XIRP2: variants seen among roughly 807,000 people sequenced by gnomAD.
The protein encoded by XIRP2 is xin actin-binding repeat-containing protein 2.
Under a neutral mutation model 277.0 loss-of-function variants are expected in XIRP2, and 236 were observed. That is an observed-to-expected ratio of 0.85 (90% CI 0.77 to 0.95). The LOEUF (loss-of-function observed/expected upper bound fraction) is 0.95. XIRP2 is among the 40% of genes least tolerant of loss of function. XIRP2 has a pLI of 0.00. For synonymous variants in XIRP2, 1,490 were observed against 1,416.5 expected (o/e 1.05, Z -1.17); for missense variants, 4,640 against 4,157.5 (o/e 1.12, Z -3.19).
In XIRP2 at chr2:167,251,048, C is replaced by G. The variant is rs1395851248; in HGVS notation, c.9656C>G (p.Ala3219Gly). ...EKRSEIIMSP[A>G]TLRRQIKIET... The stretch of plus-strand genomic sequence containing the variant: ...AGGTCTGAAATCATCATGTCTCCTG[C>G]AACACTTCGTCGTCAAATTAAGATA... Residue 3219 changes from alanine (A) to glycine (G), a missense_variant, in exon 9 of 11, where the codon GCA (alanine) becomes GGA (glycine). Coordinates refer to ENST00000409195, the MANE Select transcript of XIRP2 (RefSeq NM_152381.6). The G allele has an allele frequency of 6.2e-7, 1 of 1,613,538 alleles. No individual in the cohort carries two copies. Among genetic ancestry groups the G allele is most frequent in the Non-Finnish European group, 8.5e-7 (1 of 1,179,758 alleles).
chr2:167,134,711 A>C (rs1691491339), intron 2 of XIRP2, among the ~76,000 whole-genome samples: 3 of 152,180 alleles, frequency 2.0e-5, no homozygotes, highest in Admixed American at 2.0e-4. Context: ...TTAACTTTTA[A>C]ATTCAGCACA....
intron 2 of XIRP2, among the ~76,000 whole-genome samples, chr2:167,011,330 A>C (rs377458714): frequency 0.034 from 5,111 of 150,684 alleles, 113 homozygotes; most frequent in East Asian, 0.099. Flanking sequence ...TTGAGATAAT[A>C]ATGTGGTTTT....
chr2:166,919,304 T>A (rs1028336916), intron 2 of XIRP2, among the ~76,000 whole-genome samples: 4 of 152,150 alleles, frequency 2.6e-5, no homozygotes, highest in African/African-American at 7.2e-5. Context: ...AAATTCAAGC[T>A]CCATTAATGT....
At chr2:167,207,648 T>G (rs1006881346) in intron 3 of XIRP2, among the ~76,000 whole-genome samples, 1 of 152,204 alleles carries the variant, frequency 6.6e-6, no homozygotes, top group African/African-American at 2.4e-5. Flanking sequence ...TTTTAAAAAC[T>G]GCAGAAGAAA....
chr2:167,099,697 T>G (rs185329574), intron 2 of XIRP2, among the ~76,000 whole-genome samples: 1 of 152,246 alleles, frequency 6.6e-6, no homozygotes, highest in Non-Finnish European at 1.5e-5. Flanking sequence ...AAGCATAGTA[T>G]CTGGGCTGGA....
chr2:167,077,324 C>T (rs1278652319), intron 2 of XIRP2, among the ~76,000 whole-genome samples: 2 of 151,906 alleles, frequency 1.3e-5, no homozygotes, highest in South Asian at 2.1e-4. Context: ...TCTGATACTA[C>T]CCTAATTGTA....
At chr2:167,146,795 AG>A in intron 3 of XIRP2, among the ~76,000 whole-genome samples, 1 of 152,214 alleles carries the variant, frequency 6.6e-6, no homozygotes, top group East Asian at 1.9e-4. Context: ...GTAAATAAAA[AG>A]GGTCTATACC....
At chr2:167,183,603 T>A (rs1185115826) in intron 3 of XIRP2, among the ~76,000 whole-genome samples, 2 of 152,208 alleles carry the variant, frequency 1.3e-5, no homozygotes, top group Non-Finnish European at 2.9e-5. Flanking sequence ...TGTGATTTTG[T>A]CATTTTAATT....
At chr2:167,184,564 C>A in intron 3 of XIRP2, 1 of 717,294 alleles carries the variant, frequency 1.4e-6, no homozygotes, top group South Asian at 1.5e-5. Context: ...CGGACCAAGC[C>A]CAGATTCTCA....
intron 5 of XIRP2, among the ~76,000 whole-genome samples, chr2:167,224,176 C>T (rs569812328): frequency 6.6e-6 from 1 of 152,112 alleles, no homozygotes; most frequent in South Asian, 2.1e-4. Context: ...TGAGGTGGTG[C>T]CCTCATGACT....
chr2:167,056,515 T>C (rs1689041854), intron 2 of XIRP2, among the ~76,000 whole-genome samples: 2 of 152,138 alleles, frequency 1.3e-5, no homozygotes, highest in South Asian at 4.1e-4. Context: ...GTTCTCTGTA[T>C]TTCACTTCTT....
At position 167,250,589 on chromosome 2, in the gene XIRP2, A is replaced by T; in HGVS notation, c.9197A>T (p.Asn3066Ile). 6.2e-7 allele frequency: 1 copy of T among 1,613,590 alleles called. No individual in the cohort carries two copies. The highest frequency in any genetic ancestry group is 8.5e-7 in the Non-Finnish European group (1 of 1,179,722). Residue 3066 changes from asparagine (N) to isoleucine (I), a missense_variant, in exon 9 of 11, where the codon AAT becomes ATT. Transcript: ENST00000409195. ...VSNVHVSNNK[N>I]SEQKENKIAK... Reference sequence around the variant, plus strand: ...AATGTTCATGTCAGCAATAATAAAAATAGTGAACAGAAAGAAAATAAAATT... The same window carrying T: ...AATGTTCATGTCAGCAATAATAAAATTAGTGAACAGAAAGAAAATAAAATT...
chr2:167,218,402 A>T (rs1694322664), intron 5 of XIRP2, 102 bp downstream of exon 5: 1 of 1,102,944 alleles, frequency 9.1e-7, no homozygotes, highest in East Asian at 2.9e-5. Context: ...ATTTATTTTC[A>T]TTACTCATTA....
intron 7 of XIRP2, among the ~76,000 whole-genome samples, chr2:167,241,508 C>T (rs1695064408): frequency 6.6e-6 from 1 of 152,120 alleles, no homozygotes; most frequent in Non-Finnish European, 1.5e-5. Flanking sequence ...CATATGCATG[C>T]TTGTACCTTG....
chr2:167,068,048 CT>C (rs1007343029), intron 2 of XIRP2, among the ~76,000 whole-genome samples: 2 of 152,112 alleles, frequency 1.3e-5, no homozygotes, highest in Non-Finnish European at 2.9e-5. Context: ...TTATATTAGT[CT>C]TTTTTAGTTC....
chr2:167,064,799 C>A (rs961242275), intron 2 of XIRP2, among the ~76,000 whole-genome samples: 2 of 151,912 alleles, frequency 1.3e-5, no homozygotes, highest in African/African-American at 4.8e-5. Context: ...ACAATTTTCT[C>A]CCAGGTTCAT....
chr2:167,095,895 A>G (rs543950214), intron 2 of XIRP2, among the ~76,000 whole-genome samples: 83 of 63,698 alleles, frequency 1.3e-3, no homozygotes, highest in Admixed American at 7.4e-3. Flanking sequence ...TTTTTTTGAG[A>G]AGGAGTCTCG....
chr2:167,248,965 C>A lies in XIRP2; in HGVS notation c.7573C>A (p.Pro2525Thr). 6.2e-7 allele frequency: 1 copy of A among 1,613,660 alleles called. No individual in the cohort carries two copies. Among genetic ancestry groups the A allele is most frequent in the Non-Finnish European group, 8.5e-7 (1 of 1,179,780 alleles). ...GCCTCTTATAAAATCTCATTCATTT[C>A]CAGAGAGTTCAGGACAACAAAATCC... ...IAPLIKSHSF[P>T]ESSGQQNPKP... The change falls in exon 9 of 11, where the codon CCA (proline) becomes ACA (threonine). Residue 2525 changes from proline to threonine, a missense_variant. Pro to Thr is a conservative substitution (Grantham distance 38, BLOSUM62 -1). Transcript: ENST00000409195.
chr2:167,098,649 T>A (rs1349007023), intron 2 of XIRP2, among the ~76,000 whole-genome samples: 1 of 152,246 alleles, frequency 6.6e-6, no homozygotes, highest in Non-Finnish European at 1.5e-5. Flanking sequence ...TTCAGCCTTT[T>A]TGCATGGGCT....
Sources: gnomAD v4.1 joint callset for allele counts (sites outside exome capture counted in the v4.1 genomes callset) on GRCh38, gnomAD v4.1.1 for gene constraint, MANE v1.5 for transcripts, NCBI Gene and HGNC (gene_info 2026-07-23, HGNC 2026-07-21) for gene names.